GABRG3: variants seen among roughly 807,000 people sequenced by gnomAD.
GABRG3 encodes the protein gamma-aminobutyric acid type A receptor subunit gamma3.
Under a neutral mutation model 48.8 loss-of-function variants are expected in GABRG3, and 25 were observed. That is an observed-to-expected ratio of 0.51 (90% CI 0.37 to 0.72). The LOEUF is 0.72. GABRG3 is among the 30% of genes least tolerant of loss of function. The pLI is 0.00. For synonymous variants in GABRG3, 227 were observed against 217.6 expected (o/e 1.04, Z -0.38); for missense variants, 394 against 577.9 (o/e 0.68, Z 3.26).
Position 26,975,830 on chromosome 15 carries a change from C to T in GABRG3, c.54-1172C>T, listed in dbSNP as rs368310552. Among the ~76,000 whole-genome samples, 70 of 152,278 alleles carry T rather than the reference C, an allele frequency of 4.6e-4. No individual in the cohort carries two copies. The highest frequency in any genetic ancestry group is 1.2e-3 in the African/African-American group (50 of 41,572). Reference sequence around the variant, plus strand: ...TATACAGTCAGGACAAATCCGCTTCCGTGCAGTTTTCAATTCTTTTTATTC... The same window carrying T: ...TATACAGTCAGGACAAATCCGCTTCTGTGCAGTTTTCAATTCTTTTTATTC... On this transcript the variant is annotated intron_variant, in intron 1 of 9. Coordinates refer to ENST00000615808, the MANE Select transcript of GABRG3 (RefSeq NM_033223.5). The surrounding 1 kb of genome is among the most constrained non-coding windows in gnomAD (Gnocchi z 4.6).
intron 5 of GABRG3, among the ~76,000 whole-genome samples, chr15:27,468,959 A>C (rs1035981116): frequency 6.6e-6 from 1 of 152,256 alleles, no homozygotes; most frequent in Non-Finnish European, 1.5e-5. Flanking sequence ...GCCATAGTGC[A>C]TGATAAATTC....
chr15:27,301,863 T>C (rs897830212), intron 3 of GABRG3, among the ~76,000 whole-genome samples: 1 of 152,026 alleles, frequency 6.6e-6, no homozygotes, highest in African/African-American at 2.4e-5. Context: ...GATTCAATAA[T>C]GGTGGCTTTC....
intron 3 of GABRG3, among the ~76,000 whole-genome samples, chr15:27,288,839 A>G (rs1891706428): frequency 6.6e-6 from 1 of 151,786 alleles, no homozygotes; most frequent in African/African-American, 2.4e-5. Flanking sequence ...AGCCTGAAGA[A>G]CCTTCATCAT....
chr15:27,097,734 G>A (rs2140763075), intron 3 of GABRG3, among the ~76,000 whole-genome samples: 1 of 152,156 alleles, frequency 6.6e-6, no homozygotes, highest in East Asian at 1.9e-4. Flanking sequence ...GCAGTGAGCG[G>A]GTCAAGGCCA....
intron 3 of GABRG3, among the ~76,000 whole-genome samples, chr15:27,244,652 G>C (rs9744168): frequency 6.6e-6 from 1 of 152,164 alleles, no homozygotes; most frequent in East Asian, 1.9e-4. Context: ...TGGTTGTGGC[G>C]TGTTCCTGTA....
In GABRG3 at chr15:27,180,200, T is replaced by C. The variant is rs1346270383; in HGVS notation, c.271-146609T>C. ...AGCCTGCCCATAATGAACACACACT[T>C]TTTCTGAAGGACCTTAGCACGGTCT... On this transcript the variant is annotated intron_variant, in intron 3 of 9. Coordinates refer to ENST00000615808, the MANE Select transcript of GABRG3 (RefSeq NM_033223.5). This position sits in a 1 kb window ranked among gnomAD's most constrained non-coding sequence, Gnocchi z 4.2. 2.0e-5 allele frequency among the ~76,000 whole-genome samples: 3 copies of C among 152,074 alleles called. No homozygotes were observed. The highest frequency in any genetic ancestry group is 4.8e-5 in the African/African-American group (2 of 41,362).
At chr15:27,028,712 A>G (rs1751188062) in intron 3 of GABRG3, among the ~76,000 whole-genome samples, 1 of 151,380 alleles carries the variant, frequency 6.6e-6, no homozygotes, top group African/African-American at 2.4e-5. Flanking sequence ...AGGCTGAGGC[A>G]GAAGAATCGC....
chr15:27,335,301 T>C, intron 5 of GABRG3, among the ~76,000 whole-genome samples: 1 of 152,216 alleles, frequency 6.6e-6, no homozygotes, highest in East Asian at 1.9e-4. Flanking sequence ...TTTAATTCTC[T>C]GAGGAAATGA....
At chr15:27,408,692 A>C (rs1230514616) in intron 5 of GABRG3, among the ~76,000 whole-genome samples, 1 of 152,048 alleles carries the variant, frequency 6.6e-6, no homozygotes, top group Non-Finnish European at 1.5e-5. Context: ...AGGACAATAG[A>C]ATTTCTCCTC....
intron 5 of GABRG3, among the ~76,000 whole-genome samples, chr15:27,415,962 A>G (rs1887928739): frequency 2.0e-5 from 3 of 152,158 alleles, no homozygotes; most frequent in African/African-American, 7.2e-5. Flanking sequence ...CTCTTGCAAC[A>G]TATGGATTAC....
chr15:27,205,949 ATCTTC>A (rs1180422902), intron 3 of GABRG3, among the ~76,000 whole-genome samples: 1 of 151,000 alleles, frequency 6.6e-6, no homozygotes, highest in Non-Finnish European at 1.5e-5. Context: ...GTGTTTTTGG[ATCTTC>A]TCTTTTTAAA....
At chr15:27,489,459 T>A (rs1890296888) in intron 6 of GABRG3, among the ~76,000 whole-genome samples, 1 of 152,192 alleles carries the variant, frequency 6.6e-6, no homozygotes, top group South Asian at 2.1e-4. Flanking sequence ...ACCACAGCCT[T>A]CCACAATGAT....
At chr15:27,262,619 T>C (rs927471590) in intron 3 of GABRG3, among the ~76,000 whole-genome samples, 7 of 152,188 alleles carry the variant, frequency 4.6e-5, no homozygotes, top group Non-Finnish European at 7.3e-5. Flanking sequence ...GGTGTAGATA[T>C]TGTCTTCGAC....
At chr15:27,049,248 G>C (rs1168969140) in intron 3 of GABRG3, among the ~76,000 whole-genome samples, 3 of 152,362 alleles carry the variant, frequency 2.0e-5, no homozygotes, top group East Asian at 3.9e-4. Flanking sequence ...AGGCAGCCCA[G>C]CTGCTGATGT....
chr15:27,489,830 ATTC>A (rs1890307357), intron 6 of GABRG3, among the ~76,000 whole-genome samples: 1 of 152,188 alleles, frequency 6.6e-6, no homozygotes, highest in South Asian at 2.1e-4. Flanking sequence ...TCGCCTGTTC[ATTC>A]TGATGATAGT....
chr15:27,366,417 A>T (rs908792132), intron 5 of GABRG3: 2 of 152,152 alleles, frequency 1.3e-5, no homozygotes, highest in African/African-American at 4.8e-5. Flanking sequence ...GATTTCCATG[A>T]CTGGTCTAAA....
At chr15:27,083,320 G>T (rs1897021445) in intron 3 of GABRG3, among the ~76,000 whole-genome samples, 1 of 150,526 alleles carries the variant, frequency 6.6e-6, no homozygotes, top group South Asian at 2.1e-4. Context: ...GTAAAATTTG[G>T]ATTCTTGAAA....
chr15:27,521,140 A>G (rs1891150843), intron 7 of GABRG3, among the ~76,000 whole-genome samples: 2 of 152,172 alleles, frequency 1.3e-5, no homozygotes, highest in African/African-American at 2.4e-5. Flanking sequence ...ATATATAACT[A>G]TGTTTGTACA....
chr15:27,302,319 G>C (rs62001302), intron 3 of GABRG3, among the ~76,000 whole-genome samples: 82,898 of 151,794 alleles, frequency 0.55, 23,471 homozygotes, highest in Non-Finnish European at 0.62. Context: ...AGAATACTCA[G>C]TCTAAGCAGA....
Sources: gnomAD v4.1 joint callset for allele counts (sites outside exome capture counted in the v4.1 genomes callset) on GRCh38, gnomAD v4.1.1 for gene constraint, Gnocchi (gnomAD v3.1) non-coding constraint, MANE v1.5 for transcripts, NCBI Gene and HGNC (gene_info 2026-07-23, HGNC 2026-07-21) for gene names.